Variants in NAV3 observed in about 807,000 individuals in gnomAD.
NAV3 encodes the protein pore membrane and/or filament interacting like protein 1.
NAV3 carries 87 observed loss-of-function variants against 244.7 expected under a neutral mutation model. The ratio of observed to expected loss-of-function variants is 0.36; its 90% CI spans 0.30 to 0.42. The LOEUF is 0.42. NAV3 is among the 20% of genes least tolerant of loss of function. The pLI is 1.00. For missense variants in NAV3, 2,663 were observed against 2,893.3 expected, an observed-to-expected ratio of 0.92 and a Z score of 1.83; for synonymous variants, 1,126 against 1,042.2, an observed-to-expected ratio of 1.08 and a Z score of -1.55.
At chr12:77,932,687 T>A (rs1029397076) in intron 1 of NAV3, among the ~76,000 whole-genome samples, 2 of 152,170 alleles carry the variant, frequency 1.3e-5, no homozygotes, top group Non-Finnish European at 2.9e-5. Context: ...CAAGTTCAAG[T>A]TTAGTAACAG....
chr12:78,128,766 T>G lies in NAV3; in HGVS notation c.4341T>G (p.His1447Gln), dbSNP rs772982111. ...QEEGKEWLRS[H>Q]STGGLQDTGN... ...AGGGCAAAGAGTGGTTGCGTTCTCA[T>G]TCTACTGGAGGGCTTCAGGACACTG... Residue 1447 changes from histidine (H) to glutamine (Q), a missense_variant, in exon 18 of 40, where the codon CAT becomes CAG. Coordinates refer to ENST00000397909, the MANE Select transcript of NAV3 (RefSeq NM_001024383.2). 1.9e-6 allele frequency: 3 copies of G among 1,614,006 alleles called. No individual in the cohort carries two copies. Among genetic ancestry groups the G allele is most frequent in the Non-Finnish European group, 2.5e-6 (3 of 1,179,994 alleles).
At chr12:77,674,484 G>A (rs1874122718) in intron 2 of NAV3, among the ~76,000 whole-genome samples, 1 of 152,092 alleles carries the variant, frequency 6.6e-6, no homozygotes, top group Non-Finnish European at 1.5e-5. Context: ...CCAGGCTCAG[G>A]TGATCCTCCC....
chr12:77,891,146 A>T (rs1269769790), intron 1 of NAV3, among the ~76,000 whole-genome samples: 1 of 151,870 alleles, frequency 6.6e-6, no homozygotes, highest in Non-Finnish European at 1.5e-5. Flanking sequence ...CTCAAATAAC[A>T]AAATAATTTA....
Position 78,035,570 on chromosome 12 carries a change from TA to T in NAV3, c.2023+13709del, listed in dbSNP as rs200193939. On this transcript the variant is annotated intron_variant, in intron 9 of 39. Coordinates refer to ENST00000397909, the MANE Select transcript of NAV3 (RefSeq NM_001024383.2). ...ATTATGCTGTGATAGGCTTATGAAA[TA>T]GACCTGGAAAAATGCAATATCAAAA... is the stretch of plus-strand genomic sequence containing the variant. Among the ~76,000 whole-genome samples the T allele has an allele frequency of 6.3e-3, 964 of 152,318 alleles. 17 individuals are homozygous for T. The highest frequency in any genetic ancestry group is 0.022 in the African/African-American group (927 of 41,576).
chr12:77,724,544 A>T (rs1876790724), intron 2 of NAV3, among the ~76,000 whole-genome samples: 1 of 151,936 alleles, frequency 6.6e-6, no homozygotes, highest in Admixed American at 6.6e-5. Flanking sequence ...ATTCAGCAAT[A>T]TACTGTGTTT....
rs557103862 is a variant in NAV3, at chr12:77,986,298, G to T, written c.672-8505G>T. 1.2e-3 allele frequency among the ~76,000 whole-genome samples: 189 copies of T among 152,292 alleles called. 1 individual carries two copies. The highest frequency in any genetic ancestry group is 4.4e-3 in the African/African-American group (182 of 41,546). On this transcript the variant is annotated intron_variant, in intron 5 of 39. Transcript: ENST00000397909. ...AATCGCTTGAACCTGAGAGGTGGAG[G>T]TTGCAGTGAGCCGAGATCGTGCCAC...
At chr12:77,745,963 C>T (rs1335445524) in intron 2 of NAV3, among the ~76,000 whole-genome samples, 5 of 141,030 alleles carry the variant, frequency 3.5e-5, no homozygotes, top group Non-Finnish European at 3.1e-5. Context: ...CAGGCAGACC[C>T]ACAAAATTGG....
chr12:77,589,706 A>C (rs1869816601), intron 2 of NAV3, among the ~76,000 whole-genome samples: 1 of 152,208 alleles, frequency 6.6e-6, no homozygotes, highest in Non-Finnish European at 1.5e-5. Flanking sequence ...CTCCCACCAC[A>C]TGTGGGGATT....
At chr12:78,064,426 T>TCTGTCTGTCTGTCTGTCTGTCTGC (rs66686266) in intron 12 of NAV3, among the ~76,000 whole-genome samples, 3 of 136,292 alleles carry the variant, frequency 2.2e-5, no homozygotes, top group Non-Finnish European at 3.2e-5. Context: ...TGTCTGTCTG[T>TCTGTCTGTCTGTCTGTCTGTCTGC]CTGCCTGCCT....
chr12:77,947,626 A>G (rs1293355941), intron 3 of NAV3: 1 of 152,026 alleles, frequency 6.6e-6, no homozygotes, highest in Non-Finnish European at 1.5e-5. Flanking sequence ...AATGGCTAGA[A>G]AAAGATAGCT....
At chr12:77,833,508 G>A (rs753754440) in intron 1 of NAV3, among the ~76,000 whole-genome samples, 17 of 152,210 alleles carry the variant, frequency 1.1e-4, no homozygotes, top group African/African-American at 2.4e-4. Flanking sequence ...TCATGCAGAT[G>A]GGCAGGGTGT....
At chr12:78,184,347 T>A (rs1377928255) in intron 30 of NAV3, among the ~76,000 whole-genome samples, 2 of 151,848 alleles carry the variant, frequency 1.3e-5, no homozygotes, top group Non-Finnish European at 2.9e-5. Flanking sequence ...GGTAAACCAC[T>A]CTAAACTTCT....
intron 2 of NAV3, among the ~76,000 whole-genome samples, chr12:77,669,376 C>T (rs1873860858): frequency 6.6e-6 from 1 of 152,088 alleles, no homozygotes; most frequent in South Asian, 2.1e-4. Context: ...ATGTAAGTGG[C>T]TTAAATGCTC....
At position 77,870,792 on chromosome 12, in the gene NAV3, T is replaced by C. The variant is rs530194786; in HGVS notation, c.243+39088T>C. Among the ~76,000 whole-genome samples, 9 of 152,262 alleles carry C rather than the reference T, an allele frequency of 5.9e-5. No individual in the cohort carries two copies. The South Asian group carries it at 1.9e-3, about 32-fold the overall frequency. ...AACTGAGAAAGGGGGAGGGTTTAAA[T>C]TGAATTGTGAAAAGCACAGGTTATT... On this transcript the variant is annotated intron_variant, in intron 1 of 39. Transcript: ENST00000397909.
Position 78,122,040 on chromosome 12 carries a change from C to T in NAV3, c.3850C>T (p.Arg1284Trp), listed in dbSNP as rs530013687. 2 of 1,614,170 alleles carry T rather than the reference C, an allele frequency of 1.2e-6. No individual in the cohort carries two copies. The highest frequency in any genetic ancestry group is 1.7e-6 in the Non-Finnish European group (2 of 1,180,032). The part of the protein sequence containing the change: ...VMPSPSTTLA[R>W]QGSLESPSSG... ...GCCCAGCCCTAGTACCACATTAGCG[C>T]GGCAAGGCAGTCTGGAGTCACCGTC... is the stretch of plus-strand genomic sequence containing the variant. Residue 1284 changes from arginine (R) to tryptophan (W), a missense_variant, in exon 16 of 40, where the codon CGG becomes TGG. This residue lies in a region of NAV3 where 354 missense variants were observed against 413.0 expected (regional missense o/e 0.86). Transcript: ENST00000397909.
rs1261672598 is a variant in NAV3, at chr12:78,198,625, T to C, written c.6467T>C (p.Met2156Thr). 3.8e-6 allele frequency: 6 copies of C among 1,599,022 alleles called. No homozygotes were observed. Among genetic ancestry groups the C allele is most frequent in the Non-Finnish European group, 4.3e-6 (5 of 1,171,268 alleles). ...TCTAGTCCATATATTATTGGAACAA[T>C]GAATCAGGGAGTTTCTTCATCACCA... ...YNKCPYIIGT[M>T]NQGVSSSPNL... Residue 2156 changes from methionine (M) to threonine (T), a missense_variant, in exon 36 of 40, where the codon ATG becomes ACG. By Grantham distance (81) the Met-to-Thr change is moderately conservative (BLOSUM62 -1). This residue lies in a region of NAV3 where 543 missense variants were observed against 672.4 expected (regional missense o/e 0.81). Coordinates refer to ENST00000397909, the MANE Select transcript of NAV3 (RefSeq NM_001024383.2).
At chr12:77,579,607 T>A (rs928211052) in intron 2 of NAV3, among the ~76,000 whole-genome samples, 1 of 152,178 alleles carries the variant, frequency 6.6e-6, no homozygotes, top group African/African-American at 2.4e-5. Context: ...AAGTCCCACC[T>A]CTTAATACTG....
intron 2 of NAV3, among the ~76,000 whole-genome samples, chr12:77,595,236 G>A (rs1010833840): frequency 6.6e-6 from 1 of 152,010 alleles, no homozygotes; most frequent in African/African-American, 2.4e-5. Flanking sequence ...TAAAAAAAAA[G>A]AAAGAAGATT....
rs531910342 is a variant in NAV3, at chr12:78,116,730, A to G, written c.2637-42A>G. The G allele has an allele frequency of 3.3e-5, 50 of 1,494,512 alleles. No homozygotes were observed. In the East Asian group the frequency reaches 1.1e-3, roughly 34 times the overall value. The allele number at this position is 1,494,512 out of a possible 1,614,324, so 92.6% of individuals were successfully genotyped here. A position where few individuals can be genotyped will look rare whatever the true frequency, so the allele number is the denominator to read the frequency against. Reference sequence around the variant, plus strand: ...GAAATGTAGGTGACTTGCATTGTGCATCCTGTGTTTGATTCACTGCTCTTG... The same window carrying G: ...GAAATGTAGGTGACTTGCATTGTGCGTCCTGTGTTTGATTCACTGCTCTTG... On this transcript the variant is annotated intron_variant, in intron 12 of 39. Transcript: ENST00000397909.
Sources: allele counts gnomAD v4.1 joint callset (sites outside exome capture counted in the v4.1 genomes callset), GRCh38; gene constraint gnomAD v4.1.1; regional missense constraint gnomAD v4.1.1; transcripts MANE v1.5; gene names NCBI Gene and HGNC (gene_info 2026-07-23, HGNC 2026-07-21).